KBTBD12: variants seen among roughly 807,000 people sequenced by gnomAD.
The protein encoded by KBTBD12 is kelch repeat and BTB domain containing 12.
Under a neutral mutation model 58.7 loss-of-function variants are expected in KBTBD12, and 53 were observed. That is an observed-to-expected ratio of 0.90 (90% CI 0.72 to 1.14). The LOEUF is 1.14. Ranked by LOEUF, KBTBD12 falls within the 50% of genes most tolerant of loss-of-function variation. The pLI is 0.00. For synonymous variants in KBTBD12, 236 were observed against 259.8 expected, an observed-to-expected ratio of 0.91 and a Z score of 0.88; for missense variants, 704 against 751.3, an observed-to-expected ratio of 0.94 and a Z score of 0.74.
At chr3:127,932,977 A>T (rs770794544) in intron 4 of KBTBD12, among the ~76,000 whole-genome samples, 5 of 152,192 alleles carry the variant, frequency 3.3e-5, no homozygotes, top group Admixed American at 6.6e-5. Flanking sequence ...ATTGTAAAGC[A>T]TATCTTTAGA....
chr3:127,944,016 C>A (rs1478117009), intron 4 of KBTBD12, among the ~76,000 whole-genome samples: 1 of 152,096 alleles, frequency 6.6e-6, no homozygotes, highest in East Asian at 1.9e-4. Context: ...TATTTCTGGG[C>A]TCTCTATTCC....
At chr3:127,970,289 T>A (rs12630498) in intron 5 of KBTBD12, among the ~76,000 whole-genome samples, 24,015 of 152,106 alleles carry the variant, frequency 0.16, 2,146 homozygotes, top group South Asian at 0.32. Context: ...ACAAGTATTG[T>A]CGAGGTTTGG....
chr3:127,959,584 A>T (rs1012479157), intron 4 of KBTBD12, among the ~76,000 whole-genome samples: 1 of 152,262 alleles, frequency 6.6e-6, no homozygotes, highest in Non-Finnish European at 1.5e-5. Flanking sequence ...ACATCCTAGA[A>T]CATGAAAGAG....
chr3:127,950,248 T>C (rs1576383871), intron 4 of KBTBD12, among the ~76,000 whole-genome samples: 2 of 152,074 alleles, frequency 1.3e-5, no homozygotes, highest in Non-Finnish European at 2.9e-5. Context: ...AAAGAAGATA[T>C]AGCATAGAAA....
chr3:127,919,646 C>T (rs1352683417), intron 1 of KBTBD12, among the ~76,000 whole-genome samples: 3 of 152,192 alleles, frequency 2.0e-5, no homozygotes, highest in Admixed American at 2.0e-4. Flanking sequence ...GCTATAACCA[C>T]AGTTTTCAAA....
At chr3:127,936,454 A>G (rs1939833925) in intron 4 of KBTBD12, among the ~76,000 whole-genome samples, 1 of 152,174 alleles carries the variant, frequency 6.6e-6, no homozygotes, top group Non-Finnish European at 1.5e-5. Flanking sequence ...TGATAGGATT[A>G]GACTGAGTAT....
intron 4 of KBTBD12, among the ~76,000 whole-genome samples, chr3:127,931,026 C>T (rs775896251): frequency 1.3e-5 from 2 of 152,086 alleles, no homozygotes; most frequent in Non-Finnish European, 2.9e-5. Context: ...AACAATGAGG[C>T]AGGGAGGTTG....
At chr3:127,958,610 G>A (rs974148050) in intron 4 of KBTBD12, among the ~76,000 whole-genome samples, 5 of 152,114 alleles carry the variant, frequency 3.3e-5, no homozygotes, top group Admixed American at 6.5e-5. Context: ...GCTCCAGAAC[G>A]TTCTATTAAA....
intron 3 of KBTBD12, 62 bp from the exon 4 acceptor site, chr3:127,930,071 T>G: frequency 4.2e-6 from 6 of 1,435,678 alleles, no homozygotes. Flanking sequence ...TTAATTGCAT[T>G]CATGTACTCA....
chr3:127,954,155 C>A (rs923826722), intron 4 of KBTBD12, among the ~76,000 whole-genome samples: 2 of 152,162 alleles, frequency 1.3e-5, no homozygotes, highest in African/African-American at 4.8e-5. Context: ...AGTGAAAGCT[C>A]ATTATAAGAG....
In KBTBD12 at chr3:127,986,798, T is replaced by C. The variant is rs1273827009; in HGVS notation, c.*2520T>C. On this transcript the variant is annotated 3_prime_UTR_variant, in exon 6 of 6. Transcript: ENST00000405109. ...CCCTGCACCTGGCTGAGATGGTTCT[T>C]AATTTCCCATACCCTGTTGCTTGGC... The C allele has an allele frequency of 1.3e-5, 2 of 152,384 alleles. No individual in the cohort carries two copies. The highest frequency in any genetic ancestry group is 4.8e-5 in the African/African-American group (2 of 41,442). The allele number at this position is 152,384 out of a possible 1,614,324, so 9.4% of individuals were successfully genotyped here.
intron 4 of KBTBD12, among the ~76,000 whole-genome samples, chr3:127,934,643 GA>G (rs1015534286): frequency 6.6e-6 from 1 of 152,076 alleles, no homozygotes; most frequent in African/African-American, 2.4e-5. Context: ...ACTAAAGACA[GA>G]AAATTCTTAA....
chr3:127,981,279 C>T (rs1478704186), intron 5 of KBTBD12, among the ~76,000 whole-genome samples: 2 of 152,164 alleles, frequency 1.3e-5, no homozygotes, highest in Non-Finnish European at 2.9e-5. Context: ...AATCCTGAGG[C>T]AAGTTAATTA....
At chr3:127,977,267 G>C (rs778637806) in intron 5 of KBTBD12, among the ~76,000 whole-genome samples, 11 of 152,164 alleles carry the variant, frequency 7.2e-5, no homozygotes, top group Non-Finnish European at 1.2e-4. Context: ...CCAGGTCTTT[G>C]CTATTGTGAA....
At chr3:127,928,199 T>C (rs1939622155) in intron 3 of KBTBD12, 165 bp downstream of exon 3, 2 of 608,360 alleles carry the variant, frequency 3.3e-6, no homozygotes, top group Non-Finnish European at 5.7e-6. Flanking sequence ...GTTAAAGCAA[T>C]TTAGGAGAAT....
In KBTBD12 at chr3:127,923,946, G is replaced by A. The variant is rs537449514; in HGVS notation, c.885G>A (p.Gly295=). The A allele has an allele frequency of 2.0e-5, 33 of 1,613,724 alleles. No individual in the cohort carries two copies. The highest frequency in any genetic ancestry group is 2.8e-5 in the Non-Finnish European group (33 of 1,179,818). ...SGIRSRHRSY[G]DASFCYDPVS... ...TCAGATCAAGACATAGGAGCTATGGGGATGCCAGTTTTTGTTATGATCCTG... is the reference window on the plus strand; with the variant it reads ...TCAGATCAAGACATAGGAGCTATGGAGATGCCAGTTTTTGTTATGATCCTG... Residue 295 remains glycine (G), a synonymous_variant, in exon 2 of 6, where the codon GGG becomes GGA. Coordinates refer to ENST00000405109, the MANE Select transcript of KBTBD12 (RefSeq NM_207335.4).
chr3:127,969,244 A>G (rs1287735547), intron 5 of KBTBD12, among the ~76,000 whole-genome samples: 1 of 152,206 alleles, frequency 6.6e-6, no homozygotes, highest in Non-Finnish European at 1.5e-5. Context: ...AGGACATAAG[A>G]CCATACGCCA....
At chr3:127,951,672 C>G (rs1017185236) in intron 4 of KBTBD12, among the ~76,000 whole-genome samples, 1 of 152,094 alleles carries the variant, frequency 6.6e-6, no homozygotes, top group African/African-American at 2.4e-5. Flanking sequence ...CCTTTCTCAT[C>G]TTCAAGCAGC....
intron 5 of KBTBD12, among the ~76,000 whole-genome samples, chr3:127,976,761 C>T (rs552965025): frequency 3.3e-5 from 5 of 152,260 alleles, no homozygotes; most frequent in Admixed American, 3.3e-4. Context: ...TAGAGGCTGT[C>T]CTTATTCATT....
Sources: allele counts gnomAD v4.1 joint callset (sites outside exome capture counted in the v4.1 genomes callset), GRCh38; gene constraint gnomAD v4.1.1; transcripts MANE v1.5; gene names NCBI Gene and HGNC (gene_info 2026-07-23, HGNC 2026-07-21).